Variants in WRN observed in about 807,000 individuals in gnomAD.
WRN encodes bifunctional 3'-5' exonuclease/ATP-dependent helicase WRN.
A neutral mutation model predicts 180.7 loss-of-function variants in WRN; 149 were observed. The observed-to-expected ratio is 0.82, with a 90% confidence interval of 0.72 to 0.94. The LOEUF is 0.94. Among genes scored for constraint, WRN ranks in the 40% least tolerant of loss-of-function variants. WRN has a pLI of 0.00. For synonymous variants in WRN, 548 were observed against 568.9 expected, an observed-to-expected ratio of 0.96 and a Z score of 0.52; for missense variants, 1,661 against 1,700.1, an observed-to-expected ratio of 0.98 and a Z score of 0.40.
At chr8:31,169,436 T>C (rs1354437043) in intron 34 of WRN, among the ~76,000 whole-genome samples, 1 of 152,064 alleles carries the variant, frequency 6.6e-6, no homozygotes, top group Non-Finnish European at 1.5e-5. Flanking sequence ...TCTTCGGTTT[T>C]CCCCCTCAGT....
chr8:31,169,330 C>CT (rs1310857962), intron 34 of WRN, among the ~76,000 whole-genome samples: 2 of 150,970 alleles, frequency 1.3e-5, no homozygotes, highest in African/African-American at 4.8e-5. Flanking sequence ...TTTAAAAATT[C>CT]TTTTTTTATT....
intron 28 of WRN, among the ~76,000 whole-genome samples, chr8:31,145,327 T>G (rs1404093107): frequency 1.3e-5 from 2 of 152,218 alleles, no homozygotes; most frequent in Non-Finnish European, 2.9e-5. Flanking sequence ...AAGCCAGTGC[T>G]CAATTAGCAT....
chr8:31,133,045 A>G (rs1055910040), intron 24 of WRN, among the ~76,000 whole-genome samples: 5 of 152,250 alleles, frequency 3.3e-5, no homozygotes, highest in Non-Finnish European at 7.3e-5. Context: ...TAAATAATCA[A>G]TTAAATTCAG....
At position 31,141,039 on chromosome 8, in the gene WRN, C is replaced by T. The variant is rs11574339; in HGVS notation, c.2968-391C>T. Among the ~76,000 whole-genome samples the T allele has an allele frequency of 2.5e-4, 38 of 152,126 alleles. No homozygotes were observed. The South Asian group carries it at 7.9e-3, about 32-fold the overall frequency. The stretch of plus-strand genomic sequence containing the variant: ...CAAAGTGCTAGGATTACAGGCATGC[C>T]GCATTGCGTTTTATATAATTCTCAT... On this transcript the variant is annotated intron_variant, in intron 24 of 34. Transcript: ENST00000298139.
chr8:31,080,878 T>C lies in WRN; in HGVS notation c.851T>C (p.Leu284Ser), dbSNP rs769634887. ...KLENPRRVSI[L>S]LKDISENLYS... ...AATTTTTTTTTTAGGGTTTCTATCT[T>C]ACTAAAGGATATTTCAGAAAATCTA... The change falls in exon 9 of 35, where the codon TTA (leucine) becomes TCA (serine). Residue 284 changes from leucine (L) to serine (S), a missense_variant. By Grantham distance (145) the Leu-to-Ser change is moderately radical. Around this residue, in one of 3 missense-constraint regions of WRN, gnomAD observed 500 missense variants for 504.1 expected, o/e 0.99. Coordinates refer to ENST00000298139, the MANE Select transcript of WRN (RefSeq NM_000553.6). 1 of 1,606,262 alleles carries C rather than the reference T, an allele frequency of 6.2e-7. No individual in the cohort carries two copies. The highest frequency in any genetic ancestry group is 1.1e-5 in the South Asian group (1 of 88,966).
At chr8:31,096,928 T>G (rs1814011681) in intron 17 of WRN, 78 bp downstream of exon 17, 7 of 1,311,152 alleles carry the variant, frequency 5.3e-6, no homozygotes, top group Non-Finnish European at 7.7e-6. Context: ...GACACTGGAT[T>G]TCACTTCTGT....
chr8:31,086,198 AG>A (rs199538311), intron 11 of WRN, among the ~76,000 whole-genome samples: 2 of 104,832 alleles, frequency 1.9e-5, no homozygotes, highest in East Asian at 5.9e-4. Flanking sequence ...TAGGTTGATG[AG>A]ATTTTTTTAT....
intron 7 of WRN, among the ~76,000 whole-genome samples, chr8:31,073,133 A>G (rs906665665): frequency 2.6e-5 from 4 of 152,218 alleles, no homozygotes; most frequent in Non-Finnish European, 5.9e-5. Context: ...TGATATAATT[A>G]AAATTTTATT....
chr8:31,078,996 G>A (rs961291186), intron 8 of WRN, among the ~76,000 whole-genome samples: 1 of 152,112 alleles, frequency 6.6e-6, no homozygotes. Flanking sequence ...CCATGTAACA[G>A]TTAAACTGTA....
At chr8:31,141,245 A>G (rs1224511543) in intron 24 of WRN, among the ~76,000 whole-genome samples, 185 bp from the exon 25 acceptor site, 2 of 152,214 alleles carry the variant, frequency 1.3e-5, no homozygotes, top group Non-Finnish European at 2.9e-5. Context: ...AAGGAACATT[A>G]TTTTGATAAT....
In WRN at chr8:31,175,662, C is replaced by T. The variant is rs946245941; in HGVS notation, c.*2560C>T. Among the ~76,000 whole-genome samples, 1 of 152,178 alleles carries T rather than the reference C, an allele frequency of 6.6e-6. No homozygotes were observed. The highest frequency in any genetic ancestry group is 1.5e-5 in the Non-Finnish European group (1 of 68,038). ...GAACAGGCTATTAAAATACTCTTCTCTTTTCCAACTACGTGCCTGTGCAAA... is the reference window on the plus strand; with the variant it reads ...GAACAGGCTATTAAAATACTCTTCTTTTTTCCAACTACGTGCCTGTGCAAA... On this transcript the variant is annotated 3_prime_UTR_variant, in exon 35 of 35. Coordinates refer to ENST00000298139, the MANE Select transcript of WRN (RefSeq NM_000553.6).
chr8:31,121,159 G>T (rs939611880), intron 21 of WRN, among the ~76,000 whole-genome samples: 1 of 151,876 alleles, frequency 6.6e-6, no homozygotes, highest in Admixed American at 6.6e-5. Context: ...TCCTTCATCC[G>T]TAGGAAAAAG....
chr8:31,044,096 C>A (rs577169855), intron 1 of WRN, among the ~76,000 whole-genome samples: 1 of 152,012 alleles, frequency 6.6e-6, no homozygotes, highest in East Asian at 1.9e-4. Flanking sequence ...GGCTGGAGTG[C>A]AGTGGCACAA....
chr8:31,161,037 T>C (rs1803593693), intron 33 of WRN, among the ~76,000 whole-genome samples: 1 of 151,832 alleles, frequency 6.6e-6, no homozygotes. Flanking sequence ...CCTTTTTTTT[T>C]TCTGTTGGCA....
chr8:31,039,927 G>A (rs1050277622), intron 1 of WRN, among the ~76,000 whole-genome samples: 3 of 152,124 alleles, frequency 2.0e-5, no homozygotes, highest in Non-Finnish European at 4.4e-5. Flanking sequence ...CCTTTAAATT[G>A]TGTTATCTTA....
chr8:31,111,006 A>AGG (rs1253447631), intron 18 of WRN, among the ~76,000 whole-genome samples: 1 of 152,206 alleles, frequency 6.6e-6, no homozygotes, highest in Admixed American at 6.5e-5. Context: ...AGCCTTTGCT[A>AGG]GCAATCAATT....
chr8:31,141,331 T>C, intron 24 of WRN, 99 bp from the exon 25 acceptor site: 6 of 1,480,498 alleles, frequency 4.1e-6, no homozygotes, highest in Non-Finnish European at 5.5e-6. Context: ...AAGTTGAAAT[T>C]TAGTGTAAAT....
At chr8:31,151,896 CT>C (rs201872289) in intron 31 of WRN, among the ~76,000 whole-genome samples, 437 of 142,594 alleles carry the variant, frequency 3.1e-3, no homozygotes, top group Middle Eastern at 7.4e-3. Context: ...TTTCATTAGC[CT>C]TTTATTTTTT....
chr8:31,156,614 A>C lies in WRN; in HGVS notation c.3820-754A>C, dbSNP rs575430306. On this transcript the variant is annotated intron_variant, in intron 32 of 34. Transcript: ENST00000298139. The stretch of plus-strand genomic sequence containing the variant: ...AAAGTATCAACATTTATGCAAATAC[A>C]GTCTAAATTCAGACTTTGAAAATGT... 3.3e-5 allele frequency among the ~76,000 whole-genome samples: 5 copies of C among 152,368 alleles called. No homozygotes were observed. In the East Asian group the frequency reaches 9.6e-4, roughly 29 times the overall value.
Sources: gnomAD v4.1 joint callset for allele counts (sites outside exome capture counted in the v4.1 genomes callset) on GRCh38, gnomAD v4.1.1 for gene constraint, gnomAD v4.1.1 regional missense constraint, MANE v1.5 for transcripts, NCBI Gene and HGNC (gene_info 2026-07-23, HGNC 2026-07-21) for gene names.